ATP11A: variants seen among roughly 807,000 people sequenced by gnomAD.
The protein encoded by ATP11A is phospholipid-transporting ATPase IH.
A neutral mutation model predicts 154.4 loss-of-function variants in ATP11A; 81 were observed. The ratio of observed to expected loss-of-function variants is 0.52; its 90% CI spans 0.44 to 0.63. ATP11A has a LOEUF of 0.63. Ranked by LOEUF, ATP11A falls within the 30% of genes least tolerant of loss-of-function variation. ATP11A has a pLI of 0.00. For synonymous variants in ATP11A, 623 were observed against 585.9 expected, an observed-to-expected ratio of 1.06 and a Z score of -0.91; for missense variants, 1,316 against 1,474.3, an observed-to-expected ratio of 0.89 and a Z score of 1.76.
At chr13:112,740,338 C>A (rs549941060) in intron 1 of ATP11A, among the ~76,000 whole-genome samples, 12 of 152,110 alleles carry the variant, frequency 7.9e-5, no homozygotes, top group Non-Finnish European at 1.5e-4. Context: ...CCACACCCGG[C>A]TAATTTTGTA....
At chr13:112,732,437 T>C (rs1890581197) in intron 1 of ATP11A, among the ~76,000 whole-genome samples, 1 of 152,108 alleles carries the variant, frequency 6.6e-6, no homozygotes, top group African/African-American at 2.4e-5. Context: ...GCTGTGTCTC[T>C]CTCCATCTCT....
chr13:112,819,042 T>G (rs1283922912), intron 6 of ATP11A, among the ~76,000 whole-genome samples: 2 of 152,248 alleles, frequency 1.3e-5, no homozygotes, highest in Non-Finnish European at 2.9e-5. Flanking sequence ...GATAAATCAG[T>G]GTCTACCCTT....
At chr13:112,691,544 C>T (rs2139432958) in intron 1 of ATP11A, among the ~76,000 whole-genome samples, 1 of 150,732 alleles carries the variant, frequency 6.6e-6, no homozygotes, top group African/African-American at 2.4e-5. Context: ...ACAGCGTTTC[C>T]TGCCACTGTC....
chr13:112,849,292 G>C (rs1462520531), intron 17 of ATP11A, among the ~76,000 whole-genome samples: 2 of 152,200 alleles, frequency 1.3e-5, no homozygotes, highest in African/African-American at 4.8e-5. Flanking sequence ...TTGTTCTACA[G>C]TTTTCTTGTA....
intron 1 of ATP11A, among the ~76,000 whole-genome samples, chr13:112,712,654 G>A (rs1213187282): frequency 6.6e-6 from 1 of 152,216 alleles, no homozygotes; most frequent in African/African-American, 2.4e-5. Flanking sequence ...CACTGGACCG[G>A]CGTCAGTGCC....
intron 1 of ATP11A, among the ~76,000 whole-genome samples, chr13:112,764,039 C>T (rs139870615): frequency 1.3e-5 from 2 of 152,302 alleles, no homozygotes; most frequent in Non-Finnish European, 2.9e-5. Flanking sequence ...TTGATATAAA[C>T]GTAAGTTGTG....
At chr13:112,830,391 A>G (rs1055658596) in intron 12 of ATP11A, among the ~76,000 whole-genome samples, 11 of 152,248 alleles carry the variant, frequency 7.2e-5, no homozygotes, top group African/African-American at 1.9e-4. Context: ...CCTGGCCAAC[A>G]TGGCGAAACT....
chr13:112,766,184 G>T (rs1043589219), intron 1 of ATP11A, among the ~76,000 whole-genome samples: 1 of 152,160 alleles, frequency 6.6e-6, no homozygotes, highest in Admixed American at 6.5e-5. Flanking sequence ...TTATTCTTCC[G>T]ACGAGGCAAT....
intron 1 of ATP11A, among the ~76,000 whole-genome samples, chr13:112,758,157 G>T (rs1401167860): frequency 6.6e-6 from 1 of 152,160 alleles, no homozygotes; most frequent in African/African-American, 2.4e-5. Flanking sequence ...CACTTCCCAG[G>T]TTCAAGCAAT....
At chr13:112,858,984 G>A in intron 22 of ATP11A, 1 of 267,176 alleles carries the variant, frequency 3.7e-6, no homozygotes, top group Non-Finnish European at 7.3e-6. Context: ...GGATGAGGAG[G>A]GCCTGCCGTG....
chr13:112,832,584 G>A lies in ATP11A; in HGVS notation c.1396-276G>A, dbSNP rs561702378. ...TAGCGGTCACTTGCCATTTCTGAGC[G>A]CACGTGAAGCCTCTGTGGTTTCTAG... On this transcript the variant is annotated intron_variant, in intron 13 of 29. Coordinates refer to ENST00000375645, the MANE Select transcript of ATP11A (RefSeq NM_015205.3). Among the ~76,000 whole-genome samples the A allele has an allele frequency of 1.6e-4, 25 of 151,764 alleles. No individual in the cohort carries two copies. In the East Asian group the frequency reaches 3.7e-3, roughly 22 times the overall value.
intron 2 of ATP11A, among the ~76,000 whole-genome samples, chr13:112,804,510 C>T (rs2078269638): frequency 7.8e-6 from 1 of 127,696 alleles, no homozygotes; most frequent in South Asian, 2.9e-4. Flanking sequence ...CCTCAAAGCC[C>T]CTGTGCCTGA....
At chr13:112,824,469 TTACCCAC>T in intron 10 of ATP11A, 44 bp downstream of exon 10, 1 of 1,566,354 alleles carries the variant, frequency 6.4e-7, no homozygotes, top group Non-Finnish European at 8.8e-7. Flanking sequence ...AAAAGTGTCA[TTACCCAC>T]TGTAGAAATG....
chr13:112,818,001 G>A (rs1263814768), intron 6 of ATP11A, among the ~76,000 whole-genome samples: 1 of 152,240 alleles, frequency 6.6e-6, no homozygotes, highest in East Asian at 1.9e-4. Flanking sequence ...CTATCTCTCA[G>A]GGGCTCTTGT....
chr13:112,701,959 G>A lies in ATP11A; in HGVS notation c.39+11504G>A, dbSNP rs543024883. Among the ~76,000 whole-genome samples the A allele has an allele frequency of 7.2e-5, 11 of 152,300 alleles. No individual in the cohort carries two copies. In the East Asian group the frequency reaches 1.5e-3, roughly 21 times the overall value. ...GGATGGGGCCTGCGGTTATCCAGCTGGTGGTTCATGAGCACACACATGCCT... is the reference window on the plus strand; with the variant it reads ...GGATGGGGCCTGCGGTTATCCAGCTAGTGGTTCATGAGCACACACATGCCT... On this transcript the variant is annotated intron_variant, in intron 1 of 29. Transcript: ENST00000375645.
chr13:112,857,016 C>T (rs940697520), intron 20 of ATP11A, among the ~76,000 whole-genome samples: 2 of 152,240 alleles, frequency 1.3e-5, no homozygotes, highest in Non-Finnish European at 2.9e-5. Context: ...CGTAACTGCA[C>T]ATAAACCTTA....
intron 1 of ATP11A, among the ~76,000 whole-genome samples, chr13:112,715,388 A>ACT (rs1204605593): frequency 3.0e-5 from 3 of 100,256 alleles, no homozygotes; most frequent in East Asian, 3.2e-4. Context: ...CACCTGGCCG[A>ACT]TCCCCCCACA....
At chr13:112,693,381 G>T (rs1218572204) in intron 1 of ATP11A, among the ~76,000 whole-genome samples, 1 of 150,922 alleles carries the variant, frequency 6.6e-6, no homozygotes, top group Non-Finnish European at 1.5e-5. Flanking sequence ...CTGTGGGGTA[G>T]TGTATGCTCC....
intron 24 of ATP11A, 43 bp downstream of exon 24, chr13:112,860,457 A>T (rs1264012120): frequency 1.2e-6 from 2 of 1,608,074 alleles, no homozygotes; most frequent in South Asian, 2.2e-5. Flanking sequence ...AGAGAGAGTA[A>T]CTAGGCAGCA....
Sources: gnomAD v4.1 joint callset for allele counts (sites outside exome capture counted in the v4.1 genomes callset) on GRCh38, gnomAD v4.1.1 for gene constraint, MANE v1.5 for transcripts, NCBI Gene and HGNC (gene_info 2026-07-23, HGNC 2026-07-21) for gene names.